The following ZDHHC14 variants were observed in gnomAD, a reference collection of about 807,000 sequenced individuals.
ZDHHC14 encodes palmitoyltransferase ZDHHC14.
A neutral mutation model predicts 47.7 loss-of-function variants in ZDHHC14; 16 were observed. That is an observed-to-expected ratio of 0.34 (90% CI 0.23 to 0.51). The LOEUF (loss-of-function observed/expected upper bound fraction) is 0.51. ZDHHC14 is among the 20% of genes least tolerant of loss of function. The pLI, the probability that ZDHHC14 is intolerant of heterozygous loss-of-function variation, is 0.97. For missense variants in ZDHHC14, 515 were observed against 662.5 expected (o/e 0.78, Z 2.44); for synonymous variants, 293 against 278.9 (o/e 1.05, Z -0.50).
chr6:157,457,255 T>A (rs1166270799), intron 1 of ZDHHC14, among the ~76,000 whole-genome samples: 3 of 151,478 alleles, frequency 2.0e-5, no homozygotes, highest in Admixed American at 1.3e-4. Flanking sequence ...ATTCTGTGGT[T>A]GAGGTGTTTA....
intron 1 of ZDHHC14, among the ~76,000 whole-genome samples, chr6:157,451,181 C>CT (rs201606501): frequency 0.019 from 2,964 of 152,252 alleles, 101 homozygotes; most frequent in African/African-American, 0.067. Flanking sequence ...TTCTTCAGAG[C>CT]TTACAGATGC....
chr6:157,555,655 T>C (rs147459156), intron 2 of ZDHHC14, among the ~76,000 whole-genome samples: 2,345 of 152,284 alleles, frequency 0.015, 65 homozygotes, highest in African/African-American at 0.054. Context: ...CTTCTTTTTT[T>C]TAAACAGAGC....
chr6:157,560,959 A>G (rs772686584), intron 2 of ZDHHC14, among the ~76,000 whole-genome samples: 5 of 152,252 alleles, frequency 3.3e-5, no homozygotes, highest in Admixed American at 6.5e-5. Context: ...ATGAGAAAGA[A>G]GAAATTGAAC....
At chr6:157,657,239 A>G (rs1259420616) in intron 8 of ZDHHC14, among the ~76,000 whole-genome samples, 4 of 151,900 alleles carry the variant, frequency 2.6e-5, no homozygotes, top group African/African-American at 7.3e-5. Context: ...TTGTAGAGAC[A>G]GTTTTGCCAT....
At chr6:157,397,207 T>A (rs1167872739) in intron 1 of ZDHHC14, among the ~76,000 whole-genome samples, 2 of 152,218 alleles carry the variant, frequency 1.3e-5, no homozygotes, top group African/African-American at 4.8e-5. Flanking sequence ...AGTATGGAAA[T>A]AAATGGAGAG....
chr6:157,588,202 A>C (rs1187357761), intron 2 of ZDHHC14, among the ~76,000 whole-genome samples: 1 of 152,204 alleles, frequency 6.6e-6, no homozygotes, highest in Non-Finnish European at 1.5e-5. Context: ...CAGAGGTTGC[A>C]GTGAGCCAAG....
At chr6:157,440,054 A>C (rs1778531316) in intron 1 of ZDHHC14, among the ~76,000 whole-genome samples, 1 of 152,146 alleles carries the variant, frequency 6.6e-6, no homozygotes, top group Non-Finnish European at 1.5e-5. Flanking sequence ...TGGCTAATGC[A>C]TGCTGGGCTT....
At chr6:157,580,935 G>T (rs1783496558) in intron 2 of ZDHHC14, among the ~76,000 whole-genome samples, 2 of 151,704 alleles carry the variant, frequency 1.3e-5, no homozygotes, top group South Asian at 2.1e-4. Context: ...GTTCAGCACT[G>T]ATTCTGGTTA....
chr6:157,404,804 G>A (rs1279908301), intron 1 of ZDHHC14, among the ~76,000 whole-genome samples: 3 of 152,144 alleles, frequency 2.0e-5, no homozygotes, highest in East Asian at 1.9e-4. Context: ...GTTTAAAATA[G>A]CATTACAAAA....
intron 3 of ZDHHC14, among the ~76,000 whole-genome samples, chr6:157,626,697 A>G (rs936109740): frequency 6.6e-6 from 1 of 152,216 alleles, no homozygotes. Context: ...TCCACAGTTT[A>G]CATTAGGGTT....
intron 5 of ZDHHC14, among the ~76,000 whole-genome samples, chr6:157,635,057 G>A (rs1470883531): frequency 2.6e-5 from 4 of 151,756 alleles, no homozygotes; most frequent in Non-Finnish European, 4.4e-5. Flanking sequence ...GCACTGGCAC[G>A]ATCTCGGCTC....
At chr6:157,579,488 T>C (rs1234206560) in intron 2 of ZDHHC14, among the ~76,000 whole-genome samples, 11 of 152,244 alleles carry the variant, frequency 7.2e-5, no homozygotes, top group South Asian at 6.2e-4. Context: ...TGAGCCACCA[T>C]GCCCAGCCAA....
Position 157,382,068 on chromosome 6 carries a change from A to G in ZDHHC14, c.47A>G (p.Gln16Arg). ...CCCATGAAAGACTGCGAGTACAGCC[A>G]GATCAGCACCCACAGCTCCTCCCCC... Reference protein sequence around the residue: ...GGPMKDCEYSQISTHSSSPME... With the variant: ...GGPMKDCEYSRISTHSSSPME... Residue 16 changes from glutamine to arginine, a missense_variant, in exon 1 of 9, where the codon CAG becomes CGG. Coordinates refer to ENST00000359775, the MANE Select transcript of ZDHHC14 (RefSeq NM_024630.3). The G allele has an allele frequency of 5.6e-6, 9 of 1,603,034 alleles. No homozygotes were observed. Among genetic ancestry groups the G allele is most frequent in the Non-Finnish European group, 6.8e-6 (8 of 1,175,414 alleles).
intron 1 of ZDHHC14, among the ~76,000 whole-genome samples, chr6:157,525,520 G>A (rs1314369172): frequency 6.6e-6 from 1 of 152,086 alleles, no homozygotes; most frequent in Non-Finnish European, 1.5e-5. Context: ...GGGCCAATGA[G>A]AGCTCCAGAG....
chr6:157,521,205 C>T (rs967683987), intron 1 of ZDHHC14, among the ~76,000 whole-genome samples: 4 of 152,126 alleles, frequency 2.6e-5, no homozygotes, highest in Admixed American at 6.6e-5. Flanking sequence ...CACACTGGTT[C>T]GATCTTTTCT....
chr6:157,554,720 T>C (rs1310156885), intron 2 of ZDHHC14, among the ~76,000 whole-genome samples: 4 of 152,240 alleles, frequency 2.6e-5, no homozygotes, highest in Non-Finnish European at 1.5e-5. Flanking sequence ...TCTAAGCTTT[T>C]TGAGCCAGCG....
In ZDHHC14 at chr6:157,396,632, G is replaced by A. The variant is rs147729639; in HGVS notation, c.245+14366G>A. 1.6e-3 allele frequency among the ~76,000 whole-genome samples: 250 copies of A among 152,302 alleles called. 5 individuals are homozygous for A. The East Asian group carries it at 0.037, about 23-fold the overall frequency. Reference sequence around the variant, plus strand: ...TGGTCCTAACACACACAGTCAAATGGTGATTATGGCTCTATTTGGGAAACA... The same window carrying A: ...TGGTCCTAACACACACAGTCAAATGATGATTATGGCTCTATTTGGGAAACA... On this transcript the variant is annotated intron_variant, in intron 1 of 8. Transcript: ENST00000359775.
chr6:157,399,245 T>A (rs1306271498), intron 1 of ZDHHC14, among the ~76,000 whole-genome samples: 1 of 152,228 alleles, frequency 6.6e-6, no homozygotes, highest in Admixed American at 6.5e-5. Flanking sequence ...TCAAGAAATA[T>A]TTACTGAGTA....
intron 2 of ZDHHC14, among the ~76,000 whole-genome samples, chr6:157,548,182 T>C (rs1179588332): frequency 6.6e-6 from 1 of 152,216 alleles, no homozygotes; most frequent in Non-Finnish European, 1.5e-5. Flanking sequence ...CAGTTTTCTT[T>C]TCAGAAGGTG....
Sources: allele counts gnomAD v4.1 joint callset (sites outside exome capture counted in the v4.1 genomes callset), GRCh38; gene constraint gnomAD v4.1.1; transcripts MANE v1.5; gene names NCBI Gene and HGNC (gene_info 2026-07-23, HGNC 2026-07-21).